The following NEURL4 variants were observed in gnomAD, a reference collection of about 807,000 sequenced individuals.
The protein encoded by NEURL4 is neuralized-like protein 4.
NEURL4 carries 45 observed loss-of-function variants against 148.0 expected under a neutral mutation model. The observed-to-expected ratio is 0.30, with a 90% CI of 0.24 to 0.39. The LOEUF (loss-of-function observed/expected upper bound fraction) is 0.39. Among genes scored for constraint, NEURL4 ranks in the 10% least tolerant of loss-of-function variants. The pLI is 1.00. For synonymous variants in NEURL4, 854 were observed against 869.0 expected, an observed-to-expected ratio of 0.98 and a Z score of 0.30; for missense variants, 1,776 against 2,144.0, an observed-to-expected ratio of 0.83 and a Z score of 3.39.
In NEURL4 at chr17:7,324,342, G is replaced by A. The variant is rs1011140485; in HGVS notation, c.1899+53C>T. On this transcript the variant is annotated intron_variant, in intron 10 of 28. Transcript: ENST00000399464. This position sits in a 1 kb window ranked among gnomAD's most constrained non-coding sequence, Gnocchi z 5.9. ...CCGGGGCTGGTCCTGCATCAGCCCCGCGGTGTTTGTGATGCCCGCTGCGGC... is the reference window on the plus strand; with the variant it reads ...CCGGGGCTGGTCCTGCATCAGCCCCACGGTGTTTGTGATGCCCGCTGCGGC... 2.8e-5 allele frequency: 45 copies of A among 1,613,694 alleles called. 1 individual carries two copies. In the South Asian group the frequency reaches 3.2e-4, roughly 11 times the overall value.
In NEURL4 at chr17:7,326,667, C is replaced by T; in HGVS notation, c.1092+44G>A. ...ACCAAGGGTCAATCCCCATCTTTAGCTCCCAGGGATAAGGCGCCAACCAGA... is the reference window on the plus strand; with the variant it reads ...ACCAAGGGTCAATCCCCATCTTTAGTTCCCAGGGATAAGGCGCCAACCAGA... On this transcript the variant is annotated intron_variant, in intron 4 of 28. Transcript: ENST00000399464. This position sits in a 1 kb window ranked among gnomAD's most constrained non-coding sequence, Gnocchi z 6.0. 1.9e-6 allele frequency: 3 copies of T among 1,604,246 alleles called. No individual in the cohort carries two copies. The highest frequency in any genetic ancestry group is 1.7e-5 in the Admixed American group (1 of 58,410).
At chr17:7,325,144 T>TGGGGGGGGGGGGGGCGG in intron 8 of NEURL4, 65 bp downstream of exon 8, 2 of 956,488 alleles carry the variant, frequency 2.1e-6, no homozygotes, top group Non-Finnish European at 3.1e-6. Flanking sequence ...TCCACTTCCT[T>TGGGGGGGGGGGGGGCGG]GCCCCGCCCC....
Position 7,323,820 on chromosome 17 carries a change from G to T in NEURL4, c.2255C>A (p.Ser752Tyr). The change falls in exon 12 of 29, where the codon TCC becomes TAC. Residue 752 changes from serine to tyrosine, a missense_variant. By Grantham distance (144) the Ser-to-Tyr change is moderately radical. Coordinates refer to ENST00000399464, the MANE Select transcript of NEURL4 (RefSeq NM_032442.3). ...TGAAAGTTGAGAGACTGACCGGTTG[G>T]AGATGACGATGGCGTCATTAAACTC... ...RSEFNDAIVI[S>Y]NRALRDGELF... The T allele has an allele frequency of 6.2e-7, 1 of 1,614,144 alleles. No individual in the cohort carries two copies.
In NEURL4 at chr17:7,316,065, C is replaced by A; in HGVS notation, c.*58G>T. On this transcript the variant is annotated 3_prime_UTR_variant, in exon 29 of 29. Transcript: ENST00000399464. ...ACGGGAATGAGGTGGAGGCAGTCGC[C>A]ACTCAGAGTCCATGGGCCCGCGGCC... 1.1e-6 allele frequency: 1 copy of A among 925,600 alleles called. No homozygotes were observed. The highest frequency in any genetic ancestry group is 2.4e-5 in the East Asian group (1 of 41,626). 57.3% of individuals were successfully genotyped at this position (925,600 alleles called of 1,614,324 possible). A position where few individuals can be genotyped will look rare whatever the true frequency, so the allele number is the denominator to read the frequency against.
At chr17:7,320,591 C>T (rs368755817) in intron 21 of NEURL4, among the ~76,000 whole-genome samples, 168 bp downstream of exon 21, 15 of 152,144 alleles carry the variant, frequency 9.9e-5, no homozygotes, top group African/African-American at 2.7e-4. Flanking sequence ...GTAGGGACTT[C>T]GTGGTAACTG....
In NEURL4 at chr17:7,323,082, T is replaced by C. The variant is rs2073054102; in HGVS notation, c.2459A>G (p.Asn820Ser). Reference protein sequence around the residue: ...IMQDGNTMRNNYGCDLDALGT... With the variant: ...IMQDGNTMRNSYGCDLDALGT... ...CAGCGCATCCAGGTCACACCCATAA[T>C]TGTTGCGCATCGTGTTACCGTCTTG... is the stretch of plus-strand genomic sequence containing the variant. Residue 820 changes from asparagine (N) to serine (S), a missense_variant, in exon 15 of 29, where the codon AAT becomes AGT. Asn to Ser is a conservative substitution (Grantham distance 46). Transcript: ENST00000399464. 2 of 1,613,604 alleles carry C rather than the reference T, an allele frequency of 1.2e-6. No homozygotes were observed. Among genetic ancestry groups the C allele is most frequent in the Non-Finnish European group, 1.7e-6 (2 of 1,179,948 alleles).
In NEURL4 at chr17:7,322,524, G is replaced by A. The variant is rs542600398; in HGVS notation, c.2725+211C>T. ...TGGCATGCTCAGCTTATGGTGTCCT[G>A]GCCCCTTGGTGGCAGGGAAGTGTCC... On this transcript the variant is annotated intron_variant, in intron 16 of 28. Coordinates refer to ENST00000399464, the MANE Select transcript of NEURL4 (RefSeq NM_032442.3). This position sits in a 1 kb window ranked among gnomAD's most constrained non-coding sequence, Gnocchi z 5.5. 2.0e-5 allele frequency among the ~76,000 whole-genome samples: 3 copies of A among 152,260 alleles called. No homozygotes were observed. Among genetic ancestry groups the A allele is most frequent in the South Asian group, 4.1e-4 (2 of 4,828 alleles).
Position 7,326,992 on chromosome 17 carries a change from G to T in NEURL4, c.811C>A (p.Leu271Met), listed in dbSNP as rs778187522. The change falls in exon 4 of 29, where the codon CTG becomes ATG. Residue 271 changes from leucine (L) to methionine (M), a missense_variant. Physicochemically the swap from Leu to Met is conservative, Grantham distance 15. Coordinates refer to ENST00000399464, the MANE Select transcript of NEURL4 (RefSeq NM_032442.3). The surrounding 1 kb of genome is among the most constrained non-coding windows in gnomAD (Gnocchi z 6.0). ...ESHNDFANMELSEVVSNTILS... is the reference protein window; with the variant it reads ...ESHNDFANMEMSEVVSNTILS... ...ATGGTGTTGCTCACCACCTCAGACA[G>T]CTCCATGTTGGCAAAGTCTATAGCA... 6 of 1,611,316 alleles carry T rather than the reference G, an allele frequency of 3.7e-6. No homozygotes were observed. In the East Asian group the frequency reaches 1.3e-4, roughly 36 times the overall value.
chr17:7,316,453 T>C, intron 28 of NEURL4, 126 bp from the exon 29 acceptor site: 1 of 695,748 alleles, frequency 1.4e-6, no homozygotes, highest in Non-Finnish European at 2.5e-6. Context: ...GGAACTTCGC[T>C]CTAGCTGTTC....
chr17:7,317,563 G>A lies in NEURL4; in HGVS notation c.4216C>T (p.Arg1406Cys), dbSNP rs201510826. 145 of 1,613,732 alleles carry A rather than the reference G, an allele frequency of 9.0e-5. 2 individuals carry two copies. The highest frequency in any genetic ancestry group is 2.0e-4 in the Admixed American group (12 of 60,000). ...WCRFNLRVNP[R>C]LEAGTLTKKW... ...TTGGTTAGTGTCCCAGCCTCCAGGC[G>A]GGGATTCACTCTAGGAGGTGGACAA... The change falls in exon 27 of 29, where the codon CGC becomes TGC. Residue 1406 changes from arginine to cysteine, a missense_variant. By Grantham distance (180) the Arg-to-Cys change is radical. Transcript: ENST00000399464.
chr17:7,317,714 A>T, intron 26 of NEURL4, 74 bp downstream of exon 26: 2 of 1,593,586 alleles, frequency 1.3e-6, no homozygotes, highest in Non-Finnish European at 8.6e-7. Context: ...TACTTCTTCC[A>T]TGCACCCTCT....
At position 7,327,410 on chromosome 17, in the gene NEURL4, C is replaced by G. The variant is rs774179310; in HGVS notation, c.727+30G>C. On this transcript the variant is annotated intron_variant, in intron 2 of 28. Transcript: ENST00000399464. This position sits in a 1 kb window ranked among gnomAD's most constrained non-coding sequence, Gnocchi z 6.6. Reference sequence around the variant, plus strand: ...CTATTTCCCCCATTCCGTCCCCACCCCACCACCACTGCCCTAGCTGTGTTC... The same window carrying G: ...CTATTTCCCCCATTCCGTCCCCACCGCACCACCACTGCCCTAGCTGTGTTC... 4 of 1,522,148 alleles carry G rather than the reference C, an allele frequency of 2.6e-6. No homozygotes were observed. The highest frequency in any genetic ancestry group is 8.9e-7 in the Non-Finnish European group (1 of 1,127,658). 94.3% of individuals were successfully genotyped at this position (1,522,148 alleles called of 1,614,324 possible).
chr17:7,329,064 A>T lies in NEURL4; in HGVS notation c.249T>A (p.Asp83Glu). 1.9e-6 allele frequency: 3 copies of T among 1,596,590 alleles called. No homozygotes were observed. Among genetic ancestry groups the T allele is most frequent in the Non-Finnish European group, 2.6e-6 (3 of 1,171,316 alleles). The change falls in exon 1 of 29, where the codon GAT (aspartate) becomes GAA (glutamate). Residue 83 changes from aspartate (D) to glutamate (E), a missense_variant. Physicochemically the swap from Asp to Glu is conservative, Grantham distance 45 (BLOSUM62 2). Transcript: ENST00000399464. Reference sequence around the variant, plus strand: ...CGATGCGGACGGTGAAGACGCGTCCATCGCGCAAGGGTTCTCGGCTCAACA... The same window carrying T: ...CGATGCGGACGGTGAAGACGCGTCCTTCGCGCAAGGGTTCTCGGCTCAACA... ...GLVLSREPLR[D>E]GRVFTVRIDR...
chr17:7,317,379 A>AG lies in NEURL4; in HGVS notation c.4319-10dup, dbSNP rs1338708283. 3 of 1,587,166 alleles carry AG rather than the reference A, an allele frequency of 1.9e-6. No homozygotes were observed. In the Admixed American group the frequency reaches 5.2e-5, roughly 28 times the overall value. ...CAGGATGGAGGCAGTACCTGGGAGGAGAACTGGGTCAGGATAGCCCTTTTT... is the reference window on the plus strand; with the variant it reads ...CAGGATGGAGGCAGTACCTGGGAGGAGGAACTGGGTCAGGATAGCCCTTTTT... On this transcript the variant is annotated splice_polypyrimidine_tract_variant and intron_variant, in intron 27 of 28. Transcript: ENST00000399464.
intron 8 of NEURL4, 109 bp downstream of exon 8, chr17:7,325,099 TC>T: frequency 6.6e-7 from 1 of 1,508,442 alleles, no homozygotes; most frequent in Non-Finnish European, 8.9e-7. Context: ...AAGCTCAACC[TC>T]CAGGAAGCTG....
At chr17:7,328,923 C>T (rs2073137476) in intron 1 of NEURL4, 108 bp downstream of exon 1, 1 of 1,085,444 alleles carries the variant, frequency 9.2e-7, no homozygotes, top group Non-Finnish European at 1.2e-6. Context: ...TCTTTCTGTT[C>T]CCTCTCGGTG....
rs1294039701 is a variant in NEURL4 at position 7,317,505 on chromosome 17, A to G, written c.4274T>C (p.Val1425Ala). ...KWHMAYHGSN[V>A]AAVRRVLDRG... ...GTCCAGCACTCTCCGTACAGCGGCA[A>G]CATTGCTCCCGTGATATGCCATGTG... is the stretch of plus-strand genomic sequence containing the variant. The change falls in exon 27 of 29, where the codon GTT (valine) becomes GCT (alanine). Residue 1425 changes from valine (V) to alanine (A), a missense_variant. By Grantham distance (64) the Val-to-Ala change is moderately conservative. Transcript: ENST00000399464. 2 of 1,614,052 alleles carry G rather than the reference A, an allele frequency of 1.2e-6. No individual in the cohort carries two copies. Among genetic ancestry groups the G allele is most frequent in the African/African-American group, 1.3e-5 (1 of 74,914 alleles).
chr17:7,319,726 A>AAAAAAAAACAAAAAAAAAC lies in NEURL4; in HGVS notation c.3526-519_3526-518insGTTTTTTTTTGTTTTTTTT, dbSNP rs1555539174. On this transcript the variant is annotated intron_variant, in intron 21 of 28. Coordinates refer to ENST00000399464, the MANE Select transcript of NEURL4 (RefSeq NM_032442.3). ...AAAAAAAACAAAAAAACAAAAAAACAAAAAAAAAACATGCTGTTTGAGCCT... is the reference window on the plus strand; with the variant it reads ...AAAAAAAACAAAAAAACAAAAAAACAAAAAAAAACAAAAAAAAACAAAAAAAAACATGCTGTTTGAGCCT... 2.4e-4 allele frequency among the ~76,000 whole-genome samples: 28 copies of AAAAAAAAACAAAAAAAAAC among 115,710 alleles called. 1 individual carries two copies. Among genetic ancestry groups the AAAAAAAAACAAAAAAAAAC allele is most frequent in the Non-Finnish European group, 3.0e-4 (18 of 60,616 alleles). 75.9% of individuals were successfully genotyped at this position (115,710 alleles called of 152,430 possible). A position where few individuals can be genotyped will look rare whatever the true frequency, so the allele number is the denominator to read the frequency against.
At chr17:7,317,146 G>C in intron 28 of NEURL4, 59 bp downstream of exon 28, 3 of 1,297,344 alleles carry the variant, frequency 2.3e-6, no homozygotes, top group Non-Finnish European at 2.1e-6. Context: ...CAGTGGCTGC[G>C]CTTGGGCCCT....
Sources: allele counts gnomAD v4.1 joint callset (sites outside exome capture counted in the v4.1 genomes callset), GRCh38; gene constraint gnomAD v4.1.1; non-coding constraint Gnocchi (gnomAD v3.1); transcripts MANE v1.5; gene names NCBI Gene and HGNC (gene_info 2026-07-23, HGNC 2026-07-21).